The following MRPS35 variants were observed in gnomAD, a reference collection of about 807,000 sequenced individuals.
MRPS35 encodes the protein small ribosomal subunit protein mS35.
In MRPS35, 29 loss-of-function variants were observed where a neutral mutation model predicts 32.7. The ratio of observed to expected loss-of-function variants is 0.89; its 90% CI spans 0.66 to 1.21. MRPS35 has a LOEUF of 1.21. Ranked by LOEUF, MRPS35 falls within the 50% of genes most tolerant of loss-of-function variation. The pLI is 0.00. For missense variants in MRPS35, 373 were observed against 383.8 expected, an observed-to-expected ratio of 0.97 and a Z score of 0.23; for synonymous variants, 148 against 139.3, an observed-to-expected ratio of 1.06 and a Z score of -0.44.
intron 1 of MRPS35, among the ~76,000 whole-genome samples, chr12:27,711,915 C>G (rs76711184): frequency 0.013 from 1,422 of 112,230 alleles, 51 homozygotes; most frequent in African/African-American, 0.042. Context: ...TACTTAACTC[C>G]TATTGTATAC....
chr12:27,719,950 C>G (rs1476552684), intron 4 of MRPS35, 82 bp downstream of exon 4: 18 of 1,019,998 alleles, frequency 1.8e-5, no homozygotes, highest in South Asian at 8.7e-5. Context: ...TACTGTATAG[C>G]CTTATATTCA....
At chr12:27,738,779 A>C (rs1256906331) in intron 7 of MRPS35, among the ~76,000 whole-genome samples, 5 of 152,188 alleles carry the variant, frequency 3.3e-5, no homozygotes, top group Non-Finnish European at 7.3e-5. Flanking sequence ...AAAAAAGGAA[A>C]AAGAAGTAAA....
chr12:27,750,271 ATCCCCC>A (rs889069058), intron 7 of MRPS35, among the ~76,000 whole-genome samples: 5 of 152,236 alleles, frequency 3.3e-5, no homozygotes, highest in Non-Finnish European at 7.3e-5. Flanking sequence ...GAAATCTGAA[ATCCCCC>A]AATAGATTGT....
intron 4 of MRPS35, among the ~76,000 whole-genome samples, chr12:27,723,742 C>G (rs951396030): frequency 2.0e-5 from 3 of 152,126 alleles, no homozygotes; most frequent in Non-Finnish European, 4.4e-5. Context: ...GTAAACTGTC[C>G]AGTAACAGAT....
chr12:27,727,742 A>G (rs1355599994), intron 5 of MRPS35, among the ~76,000 whole-genome samples: 2 of 152,094 alleles, frequency 1.3e-5, no homozygotes, highest in Non-Finnish European at 2.9e-5. Flanking sequence ...TTTAGCTCTT[A>G]CATTTAGATC....
intron 3 of MRPS35, among the ~76,000 whole-genome samples, chr12:27,717,863 A>G (rs923502184): frequency 6.6e-6 from 1 of 152,218 alleles, no homozygotes; most frequent in South Asian, 2.1e-4. Flanking sequence ...AAGCTTATTA[A>G]CTGAGCTAAT....
chr12:27,738,494 A>G (rs1337881106), intron 7 of MRPS35, among the ~76,000 whole-genome samples: 3 of 152,232 alleles, frequency 2.0e-5, no homozygotes, highest in Non-Finnish European at 4.4e-5. Flanking sequence ...GTAAGTATGT[A>G]CATTTATAAG....
chr12:27,716,548 T>G, intron 3 of MRPS35, 90 bp downstream of exon 3: 1 of 1,287,840 alleles, frequency 7.8e-7, no homozygotes, highest in Non-Finnish European at 1.1e-6. Context: ...TGCTTCACCG[T>G]TCAGTGTATA....
chr12:27,716,246 G>GA (rs1367984823), intron 2 of MRPS35, 45 bp from the exon 3 acceptor site: 2 of 1,427,220 alleles, frequency 1.4e-6, no homozygotes, highest in East Asian at 5.2e-5. Flanking sequence ...AAGAATTAAA[G>GA]AATGTGTTTA....
At chr12:27,719,485 T>C in intron 3 of MRPS35, among the ~76,000 whole-genome samples, 1 of 151,702 alleles carries the variant, frequency 6.6e-6, no homozygotes. Context: ...GCTAACAAGG[T>C]GAAACCCCGT....
intron 3 of MRPS35, 128 bp downstream of exon 3, chr12:27,716,586 TTAAAAA>T: frequency 1.2e-6 from 1 of 826,650 alleles, no homozygotes; most frequent in Non-Finnish European, 1.9e-6. Flanking sequence ...AATTTAAATG[TTAAAAA>T]TAATATAATA....
intron 2 of MRPS35, 95 bp downstream of exon 2, chr12:27,714,915 G>C (rs1451895376): frequency 7.4e-6 from 8 of 1,087,262 alleles, no homozygotes; most frequent in African/African-American, 1.6e-5. Flanking sequence ...TACCAGAGAA[G>C]ACTTCACAAG....
chr12:27,748,438 G>GT (rs148534082), intron 7 of MRPS35, among the ~76,000 whole-genome samples: 42 of 145,972 alleles, frequency 2.9e-4, no homozygotes, highest in South Asian at 8.9e-4. Flanking sequence ...AAAGAAAAGT[G>GT]GTGTGTGTGT....
At chr12:27,728,382 G>A (rs930099198) in intron 5 of MRPS35, among the ~76,000 whole-genome samples, 1 of 151,906 alleles carries the variant, frequency 6.6e-6, no homozygotes, top group African/African-American at 2.4e-5. Flanking sequence ...TTAATATTTT[G>A]ACAAATTTGC....
chr12:27,721,671 A>G (rs1566048280), intron 4 of MRPS35, among the ~76,000 whole-genome samples: 1 of 152,204 alleles, frequency 6.6e-6, no homozygotes, highest in Non-Finnish European at 1.5e-5. Context: ...ATAAAAAAAA[A>G]TAAAATAAAA....
intron 1 of MRPS35, among the ~76,000 whole-genome samples, 181 bp downstream of exon 1, chr12:27,711,136 C>T (rs1358408088): frequency 6.6e-6 from 1 of 152,340 alleles, no homozygotes. Context: ...CCGCGTTGCC[C>T]GGCTTCTAGC....
chr12:27,747,907 A>G (rs2061986708), intron 7 of MRPS35, among the ~76,000 whole-genome samples: 2 of 152,210 alleles, frequency 1.3e-5, no homozygotes, highest in Non-Finnish European at 2.9e-5. Context: ...TTGTTCTAAC[A>G]CTAACGAGCA....
chr12:27,731,133 C>G (rs1334338128), intron 5 of MRPS35, among the ~76,000 whole-genome samples: 1 of 152,112 alleles, frequency 6.6e-6, no homozygotes, highest in African/African-American at 2.4e-5. Flanking sequence ...GGAACTCTTT[C>G]CAGTGACTCT....
intron 5 of MRPS35, among the ~76,000 whole-genome samples, chr12:27,730,736 G>T (rs904553856): frequency 4.6e-5 from 7 of 152,284 alleles, no homozygotes; most frequent in South Asian, 2.1e-4. Context: ...CTCCTAAAGT[G>T]CTGGGATTAC....
Sources: allele counts gnomAD v4.1 joint callset (sites outside exome capture counted in the v4.1 genomes callset), GRCh38; gene constraint gnomAD v4.1.1; transcripts MANE v1.5; gene names NCBI Gene and HGNC (gene_info 2026-07-23, HGNC 2026-07-21).